NAV3: variants seen among roughly 807,000 people sequenced by gnomAD.
The protein encoded by NAV3 is pore membrane and/or filament interacting like protein 1.
In NAV3, 87 loss-of-function variants were observed where a neutral mutation model predicts 244.7. That is an observed-to-expected ratio of 0.36 (90% CI 0.30 to 0.42). NAV3 has a LOEUF of 0.42. NAV3 is among the 20% of genes least tolerant of loss of function. The pLI, the probability that NAV3 is intolerant of heterozygous loss-of-function variation, is 1.00. For missense variants in NAV3, 2,663 were observed against 2,893.3 expected (o/e 0.92, Z 1.83); for synonymous variants, 1,126 against 1,042.2 (o/e 1.08, Z -1.55).
At chr12:78,184,198 C>T (rs949268221) in intron 30 of NAV3, among the ~76,000 whole-genome samples, 1 of 151,792 alleles carries the variant, frequency 6.6e-6, no homozygotes, top group East Asian at 1.9e-4. Flanking sequence ...TATTCATTCC[C>T]AATATGCAGC....
At chr12:77,896,512 A>G (rs1884647661) in intron 1 of NAV3, among the ~76,000 whole-genome samples, 1 of 152,362 alleles carries the variant, frequency 6.6e-6, no homozygotes, top group South Asian at 2.1e-4. Context: ...TGATGTGGAA[A>G]AAAGTATAGA....
chr12:77,633,758 T>C (rs1872025921), intron 2 of NAV3, among the ~76,000 whole-genome samples: 1 of 152,040 alleles, frequency 6.6e-6, no homozygotes, highest in Non-Finnish European at 1.5e-5. Context: ...ATTTCAACCA[T>C]ACACTACAAT....
At chr12:77,800,462 T>C (rs1280632753) in intron 2 of NAV3, among the ~76,000 whole-genome samples, 2 of 152,178 alleles carry the variant, frequency 1.3e-5, no homozygotes, top group Admixed American at 1.3e-4. Context: ...GCTCACATTC[T>C]TCCTGGGGAA....
chr12:78,121,850 A>C, intron 15 of NAV3, 90 bp from the exon 16 acceptor site: 1 of 1,508,906 alleles, frequency 6.6e-7, no homozygotes, highest in South Asian at 1.3e-5. Context: ...ACATCAAAGC[A>C]CACTTGGCTC....
chr12:77,879,685 CA>C (rs72076222), intron 1 of NAV3, among the ~76,000 whole-genome samples: 56 of 85,066 alleles, frequency 6.6e-4, no homozygotes, highest in African/African-American at 1.3e-3. Context: ...AACTCCATCT[CA>C]AAAAAAAAAA....
intron 2 of NAV3, among the ~76,000 whole-genome samples, chr12:77,770,785 C>T (rs914358016): frequency 4.6e-5 from 7 of 152,128 alleles, no homozygotes; most frequent in African/African-American, 7.2e-5. Flanking sequence ...AAGACTTAAA[C>T]GTTAGACCTA....
intron 2 of NAV3, among the ~76,000 whole-genome samples, chr12:77,766,758 T>G (rs1175587615): frequency 3.7e-4 from 21 of 56,660 alleles, no homozygotes; most frequent in African/African-American, 1.2e-3. Flanking sequence ...TTTTTTTTTT[T>G]TTTTTTTTTT....
chr12:77,596,761 T>C (rs965660157), intron 2 of NAV3, among the ~76,000 whole-genome samples: 1 of 152,140 alleles, frequency 6.6e-6, no homozygotes, highest in Non-Finnish European at 1.5e-5. Context: ...AGTCATTAAC[T>C]ATCGAAGGAG....
intron 11 of NAV3, among the ~76,000 whole-genome samples, chr12:78,055,935 C>T (rs1201590068): frequency 6.6e-6 from 1 of 152,118 alleles, no homozygotes. Context: ...TTTGTTTCTG[C>T]TTCATTTAAA....
At chr12:78,086,693 G>A (rs1427799393) in intron 12 of NAV3, among the ~76,000 whole-genome samples, 1 of 151,986 alleles carries the variant, frequency 6.6e-6, no homozygotes, top group East Asian at 1.9e-4. Context: ...CTTGGAAGTT[G>A]GCTAGAATTA....
At chr12:77,680,740 A>G (rs1039586925) in intron 2 of NAV3, among the ~76,000 whole-genome samples, 2 of 152,130 alleles carry the variant, frequency 1.3e-5, no homozygotes, top group East Asian at 3.9e-4. Context: ...CAATATAAGA[A>G]AAATATCTCT....
At chr12:77,633,874 G>A (rs116996133) in intron 2 of NAV3, among the ~76,000 whole-genome samples, 3,777 of 152,076 alleles carry the variant, frequency 0.025, 60 homozygotes, top group Middle Eastern at 0.082. Flanking sequence ...TATTTATTTT[G>A]GACAATGTAA....
chr12:77,672,537 TAA>T (rs1874024405), intron 2 of NAV3, among the ~76,000 whole-genome samples: 1 of 151,948 alleles, frequency 6.6e-6, no homozygotes, highest in Non-Finnish European at 1.5e-5. Context: ...GAAAAGGTGA[TAA>T]GTGTGTGTGT....
intron 23 of NAV3, among the ~76,000 whole-genome samples, chr12:78,160,921 T>G (rs1362170147): frequency 6.6e-6 from 1 of 151,060 alleles, no homozygotes; most frequent in Non-Finnish European, 1.5e-5. Flanking sequence ...TTTTCTATCC[T>G]TCCTTTCTCC....
intron 2 of NAV3, among the ~76,000 whole-genome samples, chr12:77,619,668 T>A (rs1871284127): frequency 6.6e-6 from 1 of 152,154 alleles, no homozygotes; most frequent in African/African-American, 2.4e-5. Context: ...ATGCCTTTGC[T>A]ATCACAGGGG....
intron 2 of NAV3, among the ~76,000 whole-genome samples, chr12:77,758,748 A>T (rs1415119534): frequency 6.6e-6 from 1 of 152,236 alleles, no homozygotes; most frequent in Non-Finnish European, 1.5e-5. Flanking sequence ...TGAGCTAGAG[A>T]TAGGGGAGAA....
chr12:77,948,450 A>G (rs989207950), intron 3 of NAV3, among the ~76,000 whole-genome samples: 1 of 151,958 alleles, frequency 6.6e-6, no homozygotes, highest in African/African-American at 2.4e-5. Flanking sequence ...TTTCTACTAT[A>G]TCTTTGAATA....
chr12:78,005,267 T>C (rs1481317428), intron 7 of NAV3, among the ~76,000 whole-genome samples: 1 of 152,212 alleles, frequency 6.6e-6, no homozygotes, highest in African/African-American at 2.4e-5. Context: ...AGCAAACTGC[T>C]AAACATCCAG....
At chr12:77,939,702 C>T (rs1478827694) in intron 1 of NAV3, among the ~76,000 whole-genome samples, 1 of 152,178 alleles carries the variant, frequency 6.6e-6, no homozygotes, top group East Asian at 1.9e-4. Flanking sequence ...TAATCCACTT[C>T]TGAATTCTAC....
Sources: gnomAD v4.1 joint callset for allele counts (sites outside exome capture counted in the v4.1 genomes callset) on GRCh38, gnomAD v4.1.1 for gene constraint, MANE v1.5 for transcripts, NCBI Gene and HGNC (gene_info 2026-07-23, HGNC 2026-07-21) for gene names.